Variants in MUC22 observed in about 807,000 individuals in gnomAD.
MUC22 encodes the protein mucin-22.
A neutral mutation model predicts 40.3 loss-of-function variants in MUC22; 24 were observed. The ratio of observed to expected loss-of-function variants is 0.60; its 90% CI spans 0.43 to 0.84. MUC22 has a LOEUF of 0.84. Ranked by LOEUF, MUC22 falls within the 40% of genes least tolerant of loss-of-function variation. The pLI is 0.00. For missense variants in MUC22, 1,926 were observed against 2,130.7 expected, an observed-to-expected ratio of 0.90 and a Z score of 1.89; for synonymous variants, 765 against 844.5, an observed-to-expected ratio of 0.91 and a Z score of 1.63.
chr6:31,028,841 C>T (rs1184397974), exon 2 of MUC22: 5 of 1,532,998 alleles, frequency 3.3e-6, no homozygotes, highest in African/African-American at 1.4e-5. Flanking sequence ...GAGACCACCA[C>T]AGCCTCTACT....
chr6:31,023,644 A>G (rs941649510), intron 1 of MUC22, among the ~76,000 whole-genome samples: 1 of 152,228 alleles, frequency 6.6e-6, no homozygotes, highest in African/African-American at 2.4e-5. Context: ...GTTAAAAAAG[A>G]AAGCCCCAAA....
chr6:31,031,250 C>T (rs954524226), intron 2 of MUC22, among the ~76,000 whole-genome samples: 5 of 152,146 alleles, frequency 3.3e-5, no homozygotes, highest in Non-Finnish European at 7.4e-5. Flanking sequence ...CCTCTCCTAT[C>T]CCTGTGAGCA....
At position 31,011,259 on chromosome 6, in the gene MUC22, T is replaced by C. The variant is rs1053253673; in HGVS notation, c.70+483T>C. Among the ~76,000 whole-genome samples the C allele has an allele frequency of 2.0e-5, 3 of 151,806 alleles. No individual in the cohort carries two copies. Among genetic ancestry groups the C allele is most frequent in the Non-Finnish European group, 4.4e-5 (3 of 67,848 alleles). ...GATATTTGGTTATGTAAGTGCTTTA[T>C]TGGTGAATTGTGAGACTTTGGTGCA... is the stretch of plus-strand genomic sequence containing the variant. On this transcript the variant is annotated intron_variant, in intron 1 of 3. Coordinates refer to ENST00000561890, the Ensembl canonical transcript of MUC22. This position sits in a 1 kb window ranked among gnomAD's most constrained non-coding sequence, Gnocchi z 4.5.
chr6:31,006,456 T>C (rs1488262661), upstream of MUC22, among the ~76,000 whole-genome samples: 1 of 152,134 alleles, frequency 6.6e-6, no homozygotes, highest in Non-Finnish European at 1.5e-5. Flanking sequence ...CACAGAGGAT[T>C]CTTAGGGCGT....
chr6:31,022,517 A>C (rs1179865563), intron 1 of MUC22, among the ~76,000 whole-genome samples: 1 of 152,090 alleles, frequency 6.6e-6, no homozygotes, highest in Non-Finnish European at 1.5e-5. Context: ...TATGCAAAAA[A>C]GAATGAAGTG....
At chr6:31,021,850 T>C (rs1034197379) in intron 1 of MUC22, among the ~76,000 whole-genome samples, 2 of 152,116 alleles carry the variant, frequency 1.3e-5, no homozygotes, top group East Asian at 1.9e-4. Context: ...GCTTGGGTCG[T>C]TTTCCACACT....
At chr6:31,020,050 T>A (rs1764556528) in intron 1 of MUC22, among the ~76,000 whole-genome samples, 1 of 152,150 alleles carries the variant, frequency 6.6e-6, no homozygotes, top group South Asian at 2.1e-4. Context: ...AAAACATGTT[T>A]AAAGAAATAG....
exon 2 of MUC22, chr6:31,027,116 G>T: frequency 6.7e-7 from 1 of 1,492,888 alleles, no homozygotes; most frequent in Non-Finnish European, 8.9e-7. Context: ...TCTACCATAG[G>T]CCCTGAGACC....
Position 31,029,473 on chromosome 6 carries a change from G to A in MUC22, c.4042G>A (p.Ala1348Thr), listed in dbSNP as rs532314025. ...CACCTCAGGCTCTGGGACCACCACA[G>A]CCTCTACCGCAGGCTCTGAGACCAC... The change falls in exon 2 of 4, where the codon GCC becomes ACC. Residue 1348 changes from alanine to threonine, a missense_variant. Transcript: ENST00000561890. 3.6e-4 allele frequency: 559 copies of A among 1,534,470 alleles called. 5 individuals carry two copies. In the South Asian group the frequency reaches 6.2e-3, roughly 17 times the overall value.
chr6:31,018,895 T>C (rs1398244291), intron 1 of MUC22, among the ~76,000 whole-genome samples: 1 of 152,234 alleles, frequency 6.6e-6, no homozygotes, highest in African/African-American at 2.4e-5. Flanking sequence ...TTCATTTGCG[T>C]CTCCTCCTCT....
At chr6:31,033,511 G>A (rs2150815413) in intron 3 of MUC22, among the ~76,000 whole-genome samples, 1 of 152,276 alleles carries the variant, frequency 6.6e-6, no homozygotes, top group East Asian at 1.9e-4. Flanking sequence ...ATTGTTCTTT[G>A]AATACATATT....
chr6:31,029,265 C>T (rs1342845449), exon 2 of MUC22: 2 of 1,528,872 alleles, frequency 1.3e-6, no homozygotes, highest in South Asian at 1.2e-5. Context: ...CTACCATCAC[C>T]TCTACTGAAG....
intron 1 of MUC22, among the ~76,000 whole-genome samples, chr6:31,012,238 G>A (rs3869095): frequency 0.12 from 18,186 of 152,098 alleles, 1,276 homozygotes; most frequent in African/African-American, 0.17. Flanking sequence ...GATTTGGAGT[G>A]CTTCCCCCTT....
chr6:31,035,267 CAGG>C, exon 4 of MUC22: 1 of 326,888 alleles, frequency 3.1e-6, no homozygotes, highest in Non-Finnish European at 5.6e-6. Flanking sequence ...CAACCACCCT[CAGG>C]ACATCTTCTC....
exon 2 of MUC22, chr6:31,027,604 A>G: frequency 1.3e-6 from 2 of 1,526,938 alleles, no homozygotes; most frequent in Non-Finnish European, 1.7e-6. Context: ...AGGCTCTGAG[A>G]CCAAAACAGC....
chr6:31,022,511 CAA>C (rs199659006), intron 1 of MUC22, among the ~76,000 whole-genome samples: 1,807 of 151,056 alleles, frequency 0.012, 12 homozygotes, highest in Middle Eastern at 0.059. Flanking sequence ...TAGATCTATG[CAA>C]AAAAGAATGA....
In MUC22 at chr6:31,032,045, G is replaced by T. The variant is rs57220585; in HGVS notation, c.4670-151G>T. 1.2e-6 allele frequency: 1 copy of T among 803,710 alleles called. No homozygotes were observed. The highest frequency in any genetic ancestry group is 2.7e-5 in the East Asian group (1 of 37,124). The allele number at this position is 803,710 out of a possible 1,614,324, so 49.8% of individuals were successfully genotyped here. Reference sequence around the variant, plus strand: ...CTGGGGACATGGCCACAGCAGAATCGCTTTCTACCATCTCTCCTCCCCCAC... The same window carrying T: ...CTGGGGACATGGCCACAGCAGAATCTCTTTCTACCATCTCTCCTCCCCCAC... On this transcript the variant is annotated intron_variant, in intron 2 of 3. Transcript: ENST00000561890. The surrounding 1 kb of genome is among the most constrained non-coding windows in gnomAD (Gnocchi z 4.1).
exon 2 of MUC22, chr6:31,028,070 C>T (rs1259684179): frequency 4.6e-6 from 7 of 1,534,606 alleles, no homozygotes; most frequent in Non-Finnish European, 5.2e-6. Flanking sequence ...ACAGCCTCTA[C>T]TACAAGCTCT....
exon 2 of MUC22, chr6:31,029,967 C>A: frequency 6.5e-7 from 1 of 1,535,754 alleles, no homozygotes; most frequent in Non-Finnish European, 8.7e-7. Flanking sequence ...CCCTCACAGG[C>A]TCTGAGACCA....
Sources: gnomAD v4.1 joint callset for allele counts (sites outside exome capture counted in the v4.1 genomes callset) on GRCh38, gnomAD v4.1.1 for gene constraint, Gnocchi (gnomAD v3.1) non-coding constraint, MANE v1.5 for transcripts, NCBI Gene and HGNC (gene_info 2026-07-23, HGNC 2026-07-21) for gene names.